DACH2: variants seen among roughly 807,000 people sequenced by gnomAD.
DACH2 encodes the protein dachshund homolog 2.
Under a neutral mutation model 35.8 loss-of-function variants are expected in DACH2, and 17 were observed. The ratio of observed to expected loss-of-function variants is 0.48; its 90% CI spans 0.33 to 0.71. DACH2 has a LOEUF of 0.71. Ranked by LOEUF, DACH2 falls within the 30% of genes least tolerant of loss-of-function variation. DACH2 has a pLI of 0.02. For synonymous variants in DACH2, 195 were observed against 177.3 expected, an observed-to-expected ratio of 1.10 and a Z score of -0.79; for missense variants, 469 against 472.7, an observed-to-expected ratio of 0.99 and a Z score of 0.07.
intron 7 of DACH2, among the ~76,000 whole-genome samples, chrX:86,791,312 A>C (rs1296246655): frequency 8.9e-6 from 1 of 112,102 alleles, no homozygotes; most frequent in African/African-American, 3.2e-5. Flanking sequence ...AACACTACTT[A>C]AAGAAATGAT....
intron 3 of DACH2, among the ~76,000 whole-genome samples, chrX:86,564,644 T>C (rs6623712): frequency 9.0e-4 from 100 of 111,545 alleles, no homozygotes; most frequent in African/African-American, 3.1e-3. Flanking sequence ...AAGTCAGCAG[T>C]ATCTTAATAA....
At chrX:86,738,183 T>C (rs965089568) in intron 6 of DACH2, among the ~76,000 whole-genome samples, 1 of 111,940 alleles carries the variant, frequency 8.9e-6, no homozygotes, top group Non-Finnish European at 1.9e-5. Flanking sequence ...TTTGGCCATG[T>C]GAAGTAACAA....
At chrX:86,227,269 T>TTA (rs35530856) in intron 1 of DACH2, among the ~76,000 whole-genome samples, 39,739 of 110,231 alleles carry the variant, frequency 0.36, 6,243 homozygotes, top group South Asian at 0.74. Context: ...TTACTACCGA[T>TTA]TAGGGATACA....
chrX:86,801,646 A>G (rs1441250585), intron 7 of DACH2, among the ~76,000 whole-genome samples: 2 of 112,281 alleles, frequency 1.8e-5, no homozygotes, highest in Non-Finnish European at 3.8e-5. Context: ...CATGTTCCTC[A>G]TGAAAGAGTT....
intron 3 of DACH2, among the ~76,000 whole-genome samples, chrX:86,576,318 C>T (rs2039434848): frequency 9.0e-6 from 1 of 111,513 alleles, no homozygotes; most frequent in Non-Finnish European, 1.9e-5. Context: ...GAAAATAGTA[C>T]CTGATTTTGC....
intron 1 of DACH2, among the ~76,000 whole-genome samples, chrX:86,199,599 T>C (rs1396520026): frequency 8.9e-6 from 1 of 111,992 alleles, no homozygotes; most frequent in African/African-American, 3.2e-5. Context: ...GAAACATTAC[T>C]AGCATTCCTA....
At chrX:86,793,409 A>G (rs2042205450) in intron 7 of DACH2, among the ~76,000 whole-genome samples, 1 of 111,173 alleles carries the variant, frequency 9.0e-6, no homozygotes, top group Non-Finnish European at 1.9e-5. Flanking sequence ...TTGATTATTG[A>G]GAAACATATA....
At chrX:86,169,825 T>C (rs1193216569) in intron 1 of DACH2, among the ~76,000 whole-genome samples, 1 of 111,544 alleles carries the variant, frequency 9.0e-6, no homozygotes, top group Non-Finnish European at 1.9e-5. Flanking sequence ...CACATACCTG[T>C]TTCTCCACAA....
intron 2 of DACH2, among the ~76,000 whole-genome samples, chrX:86,491,665 C>T (rs757753410): frequency 9.3e-4 from 104 of 111,536 alleles, no homozygotes; most frequent in African/African-American, 3.2e-3. Flanking sequence ...AAACATTTTG[C>T]ACGTGTTGTC....
chrX:86,532,481 G>GCT (rs199608577), intron 3 of DACH2, among the ~76,000 whole-genome samples: 14,269 of 102,507 alleles, frequency 0.14, 964 homozygotes, highest in East Asian at 0.3. Flanking sequence ...TTGAAGTATA[G>GCT]CTCTCTCTCT....
intron 1 of DACH2, among the ~76,000 whole-genome samples, chrX:86,152,998 T>C (rs764558282): frequency 4.7e-4 from 53 of 111,833 alleles, no homozygotes; most frequent in Non-Finnish European, 9.5e-4. Flanking sequence ...AAATTGTTTT[T>C]CCTAAATATG....
intron 2 of DACH2, among the ~76,000 whole-genome samples, chrX:86,414,204 C>T (rs2036662387): frequency 1.8e-5 from 2 of 111,384 alleles, no homozygotes; most frequent in Middle Eastern, 4.3e-3. Flanking sequence ...TTCTATAATT[C>T]AAACCAGTCT....
intron 4 of DACH2, among the ~76,000 whole-genome samples, chrX:86,660,129 C>T (rs1401239099): frequency 1.8e-5 from 2 of 111,422 alleles, no homozygotes; most frequent in Admixed American, 9.6e-5. Flanking sequence ...TGGGTGATCA[C>T]TCTTCGTGCC....
chrX:86,152,465 T>A (rs2030398974), intron 1 of DACH2, among the ~76,000 whole-genome samples: 1 of 111,976 alleles, frequency 8.9e-6, no homozygotes, highest in Non-Finnish European at 1.9e-5. Flanking sequence ...TTGATAGTAC[T>A]GAAAGTCACA....
chrX:86,386,834 T>C (rs761566257), intron 2 of DACH2, among the ~76,000 whole-genome samples: 2 of 111,046 alleles, frequency 1.8e-5, no homozygotes, highest in South Asian at 7.6e-4. Context: ...AAGTTGTGGT[T>C]AGGAGAATTT....
chrX:86,450,319 C>G (rs982159794), intron 2 of DACH2, among the ~76,000 whole-genome samples: 6 of 111,232 alleles, frequency 5.4e-5, no homozygotes, highest in Admixed American at 3.9e-4. Flanking sequence ...TGAGAACATG[C>G]AGTGTTTGGT....
chrX:86,302,658 T>C (rs1292712808), intron 1 of DACH2, among the ~76,000 whole-genome samples: 1 of 110,726 alleles, frequency 9.0e-6, no homozygotes, highest in African/African-American at 3.3e-5. Context: ...TTGAGAGAAG[T>C]TTGAAAGTAG....
At chrX:86,592,798 G>A (rs946293472) in intron 3 of DACH2, among the ~76,000 whole-genome samples, 2 of 111,693 alleles carry the variant, frequency 1.8e-5, no homozygotes, top group Non-Finnish European at 3.8e-5. Context: ...AGGAAGGTTT[G>A]TTTTCAAGTT....
chrX:86,440,592 T>G (rs774325366), intron 2 of DACH2, among the ~76,000 whole-genome samples: 2 of 111,707 alleles, frequency 1.8e-5, no homozygotes, highest in African/African-American at 3.3e-5. Context: ...AATTGATGTA[T>G]CTAGACCATT....
Sources: gnomAD v4.1 joint callset for allele counts (sites outside exome capture counted in the v4.1 genomes callset) on GRCh38, gnomAD v4.1.1 for gene constraint, MANE v1.5 for transcripts, NCBI Gene and HGNC (gene_info 2026-07-23, HGNC 2026-07-21) for gene names.